The following FGF14 variants were observed in gnomAD, a reference collection of about 807,000 sequenced individuals.
FGF14 encodes the protein fibroblast growth factor homologous factor 4.
In FGF14, 5 loss-of-function variants were observed where a neutral mutation model predicts 25.5. The ratio of observed to expected loss-of-function variants is 0.20; its 90% confidence interval spans 0.10 to 0.41. The LOEUF (loss-of-function observed/expected upper bound fraction) is 0.41, where lower values mean the gene tolerates loss of function less well. Ranked by LOEUF, FGF14 falls within the 10% of genes least tolerant of loss-of-function variation. The pLI is 1.00. For synonymous variants in FGF14, 138 were observed against 118.3 expected (o/e 1.17, Z -1.08); for missense variants, 222 against 320.1 (o/e 0.69, Z 2.34).
At chr13:102,358,110 T>A (rs1347722393) in intron 1 of FGF14, among the ~76,000 whole-genome samples, 1 of 152,210 alleles carries the variant, frequency 6.6e-6, no homozygotes, top group Non-Finnish European at 1.5e-5. Context: ...AACTTTATAT[T>A]AAAATTATTT....
intron 3 of FGF14, among the ~76,000 whole-genome samples, chr13:101,851,196 A>T (rs543934416): frequency 6.6e-6 from 1 of 152,164 alleles, no homozygotes; most frequent in African/African-American, 2.4e-5. Context: ...GACAATGAAC[A>T]CAGAGACAGA....
chr13:101,751,018 G>A (rs1406374336), intron 3 of FGF14, among the ~76,000 whole-genome samples: 1 of 152,008 alleles, frequency 6.6e-6, no homozygotes, highest in South Asian at 2.1e-4. Flanking sequence ...GGTTGCCAAG[G>A]TCTAGAGGAG....
At chr13:102,084,475 AC>A in intron 1 of FGF14, among the ~76,000 whole-genome samples, 1 of 152,166 alleles carries the variant, frequency 6.6e-6, no homozygotes. Context: ...TTTATTCCAT[AC>A]TTTCTTTTCC....
intron 1 of FGF14, among the ~76,000 whole-genome samples, chr13:102,230,953 G>C (rs1424123676): frequency 1.3e-5 from 2 of 152,166 alleles, no homozygotes; most frequent in African/African-American, 2.4e-5. Context: ...GATTTAAAGA[G>C]TTAAAATGAC....
chr13:102,079,661 G>C (rs1370923385), intron 1 of FGF14, among the ~76,000 whole-genome samples: 1 of 152,146 alleles, frequency 6.6e-6, no homozygotes, highest in Non-Finnish European at 1.5e-5. Context: ...AAAACACAGA[G>C]AGTCTGTGTC....
chr13:102,244,617 C>A (rs1001177306), intron 1 of FGF14, among the ~76,000 whole-genome samples: 1 of 151,944 alleles, frequency 6.6e-6, no homozygotes, highest in Non-Finnish European at 1.5e-5. Flanking sequence ...TCATTGCATA[C>A]AATGAGCTGA....
At chr13:101,927,936 T>C (rs1415355073) in intron 1 of FGF14, among the ~76,000 whole-genome samples, 1 of 152,204 alleles carries the variant, frequency 6.6e-6, no homozygotes, top group African/African-American at 2.4e-5. Flanking sequence ...CTGATGTCTT[T>C]AATCCTCCTC....
At chr13:101,943,843 A>T (rs1404523139) in intron 1 of FGF14, among the ~76,000 whole-genome samples, 1 of 147,360 alleles carries the variant, frequency 6.8e-6, no homozygotes, top group Non-Finnish European at 1.5e-5. Flanking sequence ...ATATATATAT[A>T]TTCACAAAAT....
At chr13:102,062,344 G>A (rs2042726091) in intron 1 of FGF14, among the ~76,000 whole-genome samples, 1 of 151,828 alleles carries the variant, frequency 6.6e-6, no homozygotes, top group African/African-American at 2.4e-5. Flanking sequence ...TGTAATATAT[G>A]AGGCATTGAA....
chr13:102,384,133 G>T (rs1435514986), intron 1 of FGF14, among the ~76,000 whole-genome samples: 1 of 151,654 alleles, frequency 6.6e-6, no homozygotes, highest in Non-Finnish European at 1.5e-5. Context: ...TCTGTTACAT[G>T]ATTTATAATT....
At chr13:102,354,368 C>G (rs913490888) in intron 1 of FGF14, 1 of 152,190 alleles carries the variant, frequency 6.6e-6, no homozygotes, top group South Asian at 2.1e-4. Context: ...TCCTCTACCC[C>G]CTCTCTCACA....
At chr13:102,288,535 A>G (rs1210522822) in intron 1 of FGF14, among the ~76,000 whole-genome samples, 2 of 152,038 alleles carry the variant, frequency 1.3e-5, no homozygotes, top group African/African-American at 2.4e-5. Flanking sequence ...ATATTTTTAT[A>G]TATCTATACA....
chr13:102,100,982 C>G (rs2044634159), intron 1 of FGF14, among the ~76,000 whole-genome samples: 1 of 152,046 alleles, frequency 6.6e-6, no homozygotes, highest in Admixed American at 6.5e-5. Flanking sequence ...GCCTGTAATC[C>G]CAGTTACTTG....
chr13:101,851,284 C>T (rs2043834204), intron 3 of FGF14, among the ~76,000 whole-genome samples: 1 of 151,956 alleles, frequency 6.6e-6, no homozygotes, highest in Non-Finnish European at 1.5e-5. Context: ...GATGGTGCTT[C>T]TACCAGTCAA....
chr13:102,291,371 G>C lies in FGF14; in HGVS notation c.208+110100C>G, dbSNP rs141008609. On this transcript the variant is annotated intron_variant, in intron 1 of 4. Transcript: ENST00000376131. ...TCAGATTAGAGAAACTGTATTTTGA[G>C]TTCTGAGTAGAAGGCAGAGAGGAAC... 2.6e-4 allele frequency among the ~76,000 whole-genome samples: 39 copies of C among 152,246 alleles called. No homozygotes were observed. In the East Asian group the frequency reaches 7.2e-3, roughly 28 times the overall value.
At chr13:102,069,438 C>T (rs1020340741) in intron 1 of FGF14, among the ~76,000 whole-genome samples, 7 of 152,160 alleles carry the variant, frequency 4.6e-5, no homozygotes, top group Non-Finnish European at 7.3e-5. Context: ...CGCTCGGGTC[C>T]CCTTCCACAC....
At chr13:101,820,874 A>T (rs9518575) in intron 3 of FGF14, among the ~76,000 whole-genome samples, 50,558 of 100,952 alleles carry the variant, frequency 0.5, 12,933 homozygotes, top group Admixed American at 0.54. Context: ...CACTGGAGAT[A>T]CACTTGTGCT....
At chr13:102,311,901 G>A (rs1157024743) in intron 1 of FGF14, among the ~76,000 whole-genome samples, 1 of 152,160 alleles carries the variant, frequency 6.6e-6, no homozygotes, top group Admixed American at 6.5e-5. Flanking sequence ...GTAAGCCAAA[G>A]GGAAATGAGT....
At chr13:101,867,858 G>T (rs2044796652) in intron 3 of FGF14, among the ~76,000 whole-genome samples, 1 of 150,810 alleles carries the variant, frequency 6.6e-6, no homozygotes, top group African/African-American at 2.4e-5. Context: ...TACATTTTCT[G>T]GGAGGCCCCC....
Sources: gnomAD v4.1 joint callset for allele counts (sites outside exome capture counted in the v4.1 genomes callset) on GRCh38, gnomAD v4.1.1 for gene constraint, MANE v1.5 for transcripts, NCBI Gene and HGNC (gene_info 2026-07-23, HGNC 2026-07-21) for gene names.